OXR1: variants seen among roughly 807,000 people sequenced by gnomAD.
The protein encoded by OXR1 is oxidation resistance 1.
Under a neutral mutation model 104.6 loss-of-function variants are expected in OXR1, and 41 were observed. The ratio of observed to expected loss-of-function variants is 0.39; its 90% CI spans 0.31 to 0.51. OXR1 has a LOEUF of 0.51. Among genes scored for constraint, OXR1 ranks in the 20% least tolerant of loss-of-function variants. The pLI is 0.77. For synonymous variants in OXR1, 348 were observed against 348.4 expected, an observed-to-expected ratio of 1.00 and a Z score of 0.01; for missense variants, 955 against 1,031.9, an observed-to-expected ratio of 0.93 and a Z score of 1.02.
In OXR1 at chr8:106,679,196, C is replaced by A. The variant is rs1398773582; in HGVS notation, c.221-14C>A. 1.3e-6 allele frequency: 2 copies of A among 1,563,882 alleles called. No individual in the cohort carries two copies. The highest frequency in any genetic ancestry group is 8.8e-7 in the Non-Finnish European group (1 of 1,139,280). On this transcript the variant is annotated splice_polypyrimidine_tract_variant and intron_variant, in intron 3 of 16. Coordinates refer to ENST00000517566, the MANE Select transcript of OXR1 (RefSeq NM_001198533.2). ...AAAGATGAATTTAATAGGAATTTTG[C>A]CTTTTTTTCCCAGACACTGGCCAAA... is the stretch of plus-strand genomic sequence containing the variant.
At chr8:106,524,562 C>G (rs1433998250) in intron 3 of OXR1, among the ~76,000 whole-genome samples, 2 of 152,152 alleles carry the variant, frequency 1.3e-5, no homozygotes, top group Non-Finnish European at 2.9e-5. Flanking sequence ...AGTGACACAC[C>G]AAACAGTGAT....
chr8:106,541,482 G>A (rs1229932549), intron 3 of OXR1, among the ~76,000 whole-genome samples: 1 of 152,154 alleles, frequency 6.6e-6, no homozygotes, highest in Non-Finnish European at 1.5e-5. Context: ...GAAATACAAT[G>A]GTGAAGAAAT....
At chr8:106,472,890 C>T (rs772631660) in intron 2 of OXR1, among the ~76,000 whole-genome samples, 22 of 151,772 alleles carry the variant, frequency 1.4e-4, no homozygotes, top group Non-Finnish European at 2.4e-4. Context: ...TAACCTTATA[C>T]TCTTGAGTTT....
At position 106,716,924 on chromosome 8, in the gene OXR1, G is replaced by T. The variant is rs149879745; in HGVS notation, c.1956+2939G>T. Among the ~76,000 whole-genome samples the T allele has an allele frequency of 4.8e-3, 724 of 152,216 alleles. 6 individuals are homozygous for T. The highest frequency in any genetic ancestry group is 0.01 in the Middle Eastern group (3 of 294). Reference sequence around the variant, plus strand: ...CTAAAAAAATGTTTGTTAAACTAGGGAGGCCGAGGGTAACAAATAAAAAAT... The same window carrying T: ...CTAAAAAAATGTTTGTTAAACTAGGTAGGCCGAGGGTAACAAATAAAAAAT... On this transcript the variant is annotated intron_variant, in intron 11 of 16. Coordinates refer to ENST00000517566, the MANE Select transcript of OXR1 (RefSeq NM_001198533.2).
intron 3 of OXR1, among the ~76,000 whole-genome samples, chr8:106,547,484 CT>C (rs1815449218): frequency 8.2e-6 from 1 of 122,604 alleles, no homozygotes; most frequent in Non-Finnish European, 1.6e-5. Flanking sequence ...AATTTCCTTT[CT>C]TTCTTTCTTT....
chr8:106,725,779 T>A (rs940660968), intron 11 of OXR1, among the ~76,000 whole-genome samples: 5 of 152,240 alleles, frequency 3.3e-5, no homozygotes, highest in African/African-American at 1.2e-4. Flanking sequence ...ATAGTACTGT[T>A]AGCTGTAAGT....
chr8:106,327,328 T>G (rs1298951617), intron 1 of OXR1, among the ~76,000 whole-genome samples: 1 of 152,218 alleles, frequency 6.6e-6, no homozygotes, highest in Non-Finnish European at 1.5e-5. Flanking sequence ...GATTTCATTT[T>G]AATTTTAAAA....
rs558830536 is a variant in OXR1 at position 106,443,000 on chromosome 8, G to A, written c.24-75943G>A. 8.6e-5 allele frequency among the ~76,000 whole-genome samples: 13 copies of A among 151,698 alleles called. No homozygotes were observed. The South Asian group carries it at 2.7e-3, about 32-fold the overall frequency. ...CTAGCTCTTTTATTTGTGACTTTAG[G>A]GTGTTGATCTGAGATCATTTTAGCT... On this transcript the variant is annotated intron_variant, in intron 2 of 16. Transcript: ENST00000517566.
Position 106,700,830 on chromosome 8 carries a change from A to G in OXR1, c.676-2076A>G, listed in dbSNP as rs73294469. ...CTAATGCAAAAGTGAAATTTATGAA[A>G]TGGAGAGTAACCTGAAGTGTTTCAG... On this transcript the variant is annotated intron_variant, in intron 7 of 16. Coordinates refer to ENST00000517566, the MANE Select transcript of OXR1 (RefSeq NM_001198533.2). 9.6e-3 allele frequency among the ~76,000 whole-genome samples: 1,455 copies of G among 152,272 alleles called. 26 individuals are homozygous for G. Among genetic ancestry groups the G allele is most frequent in the African/African-American group, 0.033 (1,360 of 41,550 alleles).
At chr8:106,273,457 G>C (rs558031340) in intron 1 of OXR1, among the ~76,000 whole-genome samples, 1 of 152,170 alleles carries the variant, frequency 6.6e-6, no homozygotes, top group Non-Finnish European at 1.5e-5. Flanking sequence ...AGACATTTTT[G>C]GTTGTCACAA....
In OXR1 at chr8:106,434,141, CT is replaced by C. The variant is rs1176547032; in HGVS notation, c.23+74506del. On this transcript the variant is annotated intron_variant, in intron 2 of 16. Coordinates refer to ENST00000517566, the MANE Select transcript of OXR1 (RefSeq NM_001198533.2). ...ATACCCTAATTATGAATATTTTCTCCTAAAAAAAACTAGAAAATAATGTTAC... is the reference window on the plus strand; with the variant it reads ...ATACCCTAATTATGAATATTTTCTCCAAAAAAAACTAGAAAATAATGTTAC... Among the ~76,000 whole-genome samples, 8 of 99,982 alleles carry C rather than the reference CT, an allele frequency of 8.0e-5. No homozygotes were observed. The East Asian group carries it at 2.5e-3, about 31-fold the overall frequency. 65.6% of individuals were successfully genotyped at this position (99,982 alleles called of 152,430 possible).
At chr8:106,390,358 G>T (rs1817544791) in intron 2 of OXR1, among the ~76,000 whole-genome samples, 1 of 152,158 alleles carries the variant, frequency 6.6e-6, no homozygotes, top group Non-Finnish European at 1.5e-5. Context: ...AGGAGAAGGG[G>T]AGTGTATGGA....
chr8:106,580,819 T>A (rs967051833), intron 3 of OXR1, among the ~76,000 whole-genome samples: 1 of 152,238 alleles, frequency 6.6e-6, no homozygotes, highest in African/African-American at 2.4e-5. Flanking sequence ...TGACTTAAGC[T>A]AATATTTTGT....
chr8:106,675,722 C>T (rs776950), intron 3 of OXR1, among the ~76,000 whole-genome samples: 90,340 of 152,006 alleles, frequency 0.59, 27,498 homozygotes, highest in African/African-American at 0.72. Flanking sequence ...CTTCTGAATA[C>T]GTGATCAGTT....
At chr8:106,430,355 T>C (rs970051014) in intron 2 of OXR1, among the ~76,000 whole-genome samples, 1 of 152,176 alleles carries the variant, frequency 6.6e-6, no homozygotes, top group Admixed American at 6.5e-5. Flanking sequence ...ATTATACTCT[T>C]TACCTATCTG....
At chr8:106,334,680 T>C (rs1275402582) in intron 1 of OXR1, among the ~76,000 whole-genome samples, 1 of 152,174 alleles carries the variant, frequency 6.6e-6, no homozygotes, top group African/African-American at 2.4e-5. Flanking sequence ...TAAACTACAC[T>C]CCAAAACCTT....
At chr8:106,395,308 A>G (rs552254214) in intron 2 of OXR1, among the ~76,000 whole-genome samples, 2 of 152,168 alleles carry the variant, frequency 1.3e-5, no homozygotes, top group East Asian at 1.9e-4. Flanking sequence ...AAAGATTTTC[A>G]TGCTGCTGAT....
intron 3 of OXR1, among the ~76,000 whole-genome samples, chr8:106,567,216 A>C (rs1300898535): frequency 2.6e-5 from 4 of 152,162 alleles, no homozygotes; most frequent in Non-Finnish European, 5.9e-5. Flanking sequence ...GAAGAGAAGA[A>C]CTTTTTCTTT....
intron 3 of OXR1, among the ~76,000 whole-genome samples, chr8:106,584,016 T>C (rs764738773): frequency 1.3e-5 from 2 of 152,016 alleles, no homozygotes; most frequent in Admixed American, 6.5e-5. Flanking sequence ...AAGAAAATAC[T>C]TGGGAAGAAA....
Sources: gnomAD v4.1 joint callset for allele counts (sites outside exome capture counted in the v4.1 genomes callset) on GRCh38, gnomAD v4.1.1 for gene constraint, MANE v1.5 for transcripts, NCBI Gene and HGNC (gene_info 2026-07-23, HGNC 2026-07-21) for gene names.